TNIP1: variants seen among roughly 807,000 people sequenced by gnomAD.
TNIP1 encodes the protein TNFAIP3 interacting protein 1.
Under a neutral mutation model 86.6 loss-of-function variants are expected in TNIP1, and 22 were observed. The observed-to-expected ratio is 0.25, with a 90% CI of 0.18 to 0.36. The LOEUF (loss-of-function observed/expected upper bound fraction) is 0.36, where lower values mean the gene tolerates loss of function less well. TNIP1 is among the 10% of genes least tolerant of loss of function. The pLI, the probability that TNIP1 is intolerant of heterozygous loss-of-function variation, is 1.00. For synonymous variants in TNIP1, 294 were observed against 313.0 expected (o/e 0.94, Z 0.64); for missense variants, 709 against 820.6 (o/e 0.86, Z 1.66).
upstream of TNIP1, among the ~76,000 whole-genome samples, chr5:151,084,030 A>G (rs186871722): frequency 6.4e-4 from 98 of 152,366 alleles, no homozygotes; most frequent in African/African-American, 2.1e-3. Flanking sequence ...CACAGCAAGT[A>G]ACCGGAGCTT....
chr5:151,070,781 C>T (rs1762739103), intron 1 of TNIP1, among the ~76,000 whole-genome samples: 1 of 152,120 alleles, frequency 6.6e-6, no homozygotes, highest in Admixed American at 6.5e-5. Flanking sequence ...AAACTGCAGC[C>T]TCAGGTCCAT....
At chr5:151,063,357 T>C (rs1388509905) in intron 3 of TNIP1, among the ~76,000 whole-genome samples, 1 of 152,148 alleles carries the variant, frequency 6.6e-6, no homozygotes, top group Non-Finnish European at 1.5e-5. Flanking sequence ...TAGTCAACTG[T>C]TGTATCTATT....
At chr5:151,054,843 C>G (rs967738040) in intron 6 of TNIP1, among the ~76,000 whole-genome samples, 2 of 152,328 alleles carry the variant, frequency 1.3e-5, no homozygotes, top group Admixed American at 1.3e-4. Flanking sequence ...CACCTCCACC[C>G]AGGCAGTAAA....
intron 11 of TNIP1, among the ~76,000 whole-genome samples, 177 bp from the exon 12 acceptor site, chr5:151,039,402 T>G (rs79506089): frequency 0.012 from 1,839 of 152,102 alleles, 37 homozygotes; most frequent in African/African-American, 0.042. Flanking sequence ...CCTCAATTAT[T>G]ATGTGTCAAT....
At position 151,030,130 on chromosome 5, in the gene TNIP1, C is replaced by T. The variant is rs1257675186; in HGVS notation, c.*583G>A. 1 of 456,858 alleles carries T rather than the reference C, an allele frequency of 2.2e-6. No individual in the cohort carries two copies. Among genetic ancestry groups the T allele is most frequent in the Admixed American group, 2.3e-5 (1 of 42,582 alleles). 28.3% of individuals were successfully genotyped at this position (456,858 alleles called of 1,614,324 possible). ...CGGACGTGGCTGGCATGGCCTTCTC[C>T]CATCTGTGATGGCTTCAGCAAGGCT... On this transcript the variant is annotated 3_prime_UTR_variant, in exon 18 of 18. Transcript: ENST00000521591.
intron 4 of TNIP1, among the ~76,000 whole-genome samples, chr5:151,061,505 T>C (rs1761566685): frequency 6.6e-6 from 1 of 150,764 alleles, no homozygotes; most frequent in South Asian, 2.1e-4. Flanking sequence ...TATGAGAGGG[T>C]CTGACTCTGT....
chr5:151,044,736 C>A (rs1035640300), intron 9 of TNIP1, among the ~76,000 whole-genome samples: 3 of 152,094 alleles, frequency 2.0e-5, no homozygotes, highest in Non-Finnish European at 4.4e-5. Context: ...TGCACTTCGA[C>A]CTCGGGTCTG....
chr5:151,041,224 C>A (rs767158662), intron 11 of TNIP1, among the ~76,000 whole-genome samples: 9 of 152,090 alleles, frequency 5.9e-5, no homozygotes, highest in Non-Finnish European at 1.3e-4. Flanking sequence ...ACATGCGCCA[C>A]CACTCCCAGT....
intron 17 of TNIP1, 74 bp from the exon 18 acceptor site, chr5:151,030,821 G>T: frequency 7.9e-7 from 1 of 1,265,322 alleles, no homozygotes; most frequent in Non-Finnish European, 1.1e-6. Context: ...ATGGAATGCA[G>T]TGCAGGAACA....
intron 11 of TNIP1, among the ~76,000 whole-genome samples, chr5:151,039,682 T>A (rs1272639089): frequency 6.6e-6 from 1 of 152,198 alleles, no homozygotes; most frequent in Non-Finnish European, 1.5e-5. Context: ...CAGATTCACA[T>A]GGGGGTCTTC....
At chr5:151,052,535 C>T (rs1232219412) in intron 6 of TNIP1, among the ~76,000 whole-genome samples, 4 of 152,200 alleles carry the variant, frequency 2.6e-5, no homozygotes, top group Admixed American at 2.6e-4. Context: ...CTCCTTCATC[C>T]CTGCTCCCAC....
In TNIP1 at chr5:151,039,231, G is replaced by T; in HGVS notation, c.1135-6C>A. The T allele has an allele frequency of 6.2e-7, 1 of 1,610,570 alleles. No homozygotes were observed. The highest frequency in any genetic ancestry group is 1.3e-5 in the African/African-American group (1 of 74,992). ...GTCAGCTGCTCCTTGTCGGTCTGCAGGGAATACAAGGTTGGTAAGCTGGCT... is the reference window on the plus strand; with the variant it reads ...GTCAGCTGCTCCTTGTCGGTCTGCATGGAATACAAGGTTGGTAAGCTGGCT... On this transcript the variant is annotated splice_polypyrimidine_tract_variant and splice_region_variant and intron_variant, in intron 11 of 17. Coordinates refer to ENST00000521591, the MANE Select transcript of TNIP1 (RefSeq NM_006058.5).
chr5:151,050,626 T>C (rs1417445260), intron 7 of TNIP1, among the ~76,000 whole-genome samples: 2 of 152,158 alleles, frequency 1.3e-5, no homozygotes, highest in Non-Finnish European at 2.9e-5. Flanking sequence ...CAGGTCTGAC[T>C]AAAATGTTTC....
At chr5:151,045,106 T>A (rs1399805899) in intron 9 of TNIP1, among the ~76,000 whole-genome samples, 1 of 152,122 alleles carries the variant, frequency 6.6e-6, no homozygotes, top group Admixed American at 6.5e-5. Flanking sequence ...CTATTTTTTT[T>A]TTTGAGATGG....
intron 15 of TNIP1, chr5:151,034,473 C>T: frequency 3.9e-6 from 1 of 255,518 alleles, no homozygotes; most frequent in Non-Finnish European, 7.2e-6. Flanking sequence ...AGGCTGGGCA[C>T]ATGGGCACAG....
At chr5:151,076,101 C>A (rs1222906988) in intron 1 of TNIP1, among the ~76,000 whole-genome samples, 1 of 152,232 alleles carries the variant, frequency 6.6e-6, no homozygotes, top group East Asian at 1.9e-4. Context: ...CTGCTGCTCA[C>A]CAGTCATCCA....
At chr5:151,038,449 G>C (rs1007216701) in intron 12 of TNIP1, among the ~76,000 whole-genome samples, 2 of 152,142 alleles carry the variant, frequency 1.3e-5, no homozygotes, top group African/African-American at 4.8e-5. Context: ...TGGCAAAACT[G>C]AACTGGAGAG....
At chr5:151,076,834 C>T (rs968459119) in intron 1 of TNIP1, among the ~76,000 whole-genome samples, 1 of 152,186 alleles carries the variant, frequency 6.6e-6, no homozygotes, top group African/African-American at 2.4e-5. Context: ...CAGAGGGGCA[C>T]TGGGGCTGTT....
At chr5:151,044,424 T>C (rs1758864762) in intron 9 of TNIP1, among the ~76,000 whole-genome samples, 1 of 152,056 alleles carries the variant, frequency 6.6e-6, no homozygotes, top group African/African-American at 2.4e-5. Context: ...CACGTATATG[T>C]ATAATTTTAT....
Sources: gnomAD v4.1 joint callset for allele counts (sites outside exome capture counted in the v4.1 genomes callset) on GRCh38, gnomAD v4.1.1 for gene constraint, MANE v1.5 for transcripts, NCBI Gene and HGNC (gene_info 2026-07-23, HGNC 2026-07-21) for gene names.